RAB30: variants seen among roughly 807,000 people sequenced by gnomAD.
RAB30 encodes ras-related protein Rab-30.
In RAB30, 9 loss-of-function variants were observed where a neutral mutation model predicts 25.1. That is an observed-to-expected ratio of 0.36 (90% CI 0.22 to 0.63). The LOEUF is 0.63. RAB30 is among the 20% of genes least tolerant of loss of function. RAB30 has a pLI of 0.69. For synonymous variants in RAB30, 77 were observed against 86.4 expected (o/e 0.89, Z 0.60); for missense variants, 140 against 243.5 (o/e 0.58, Z 2.83).
At position 83,044,154 on chromosome 11, in the gene RAB30, G is replaced by C. The variant is rs369202206; in HGVS notation, c.-9+27537C>G. Among the ~76,000 whole-genome samples the C allele has an allele frequency of 2.6e-5, 4 of 152,258 alleles. No individual in the cohort carries two copies. The East Asian group carries it at 7.7e-4, about 29-fold the overall frequency. ...TTTTTGTTGGAAAACAAATATTCCTGTGTTTCTCTATTTTAAGAGATTTCT... is the reference window on the plus strand; with the variant it reads ...TTTTTGTTGGAAAACAAATATTCCTCTGTTTCTCTATTTTAAGAGATTTCT... On this transcript the variant is annotated intron_variant, in intron 1 of 4. Coordinates refer to ENST00000527633, the MANE Select transcript of RAB30 (RefSeq NM_001286060.2).
At chr11:83,066,385 A>G (rs1400002163) in intron 1 of RAB30, among the ~76,000 whole-genome samples, 2 of 152,216 alleles carry the variant, frequency 1.3e-5, no homozygotes, top group Admixed American at 6.5e-5. Context: ...ATATAATTCA[A>G]AACTCTGAGA....
chr11:83,032,072 G>A (rs1205881483), intron 1 of RAB30, among the ~76,000 whole-genome samples: 1 of 152,148 alleles, frequency 6.6e-6, no homozygotes, highest in Non-Finnish European at 1.5e-5. Flanking sequence ...CACTCTTTGT[G>A]ACCATATTCC....
At chr11:83,069,627 T>C (rs551573252) in intron 1 of RAB30, among the ~76,000 whole-genome samples, 23 of 150,656 alleles carry the variant, frequency 1.5e-4, no homozygotes, top group African/African-American at 5.4e-4. Flanking sequence ...GCAGCAAGGA[T>C]AAGGAAAAAA....
At chr11:82,982,649 GT>G (rs1285679982) in intron 4 of RAB30, among the ~76,000 whole-genome samples, 4 of 152,128 alleles carry the variant, frequency 2.6e-5, no homozygotes, top group African/African-American at 9.7e-5. Flanking sequence ...GGATCACCAG[GT>G]CAGGAGTTCG....
intron 1 of RAB30, among the ~76,000 whole-genome samples, chr11:83,036,907 G>A (rs936030042): frequency 3.9e-5 from 6 of 152,158 alleles, no homozygotes; most frequent in Non-Finnish European, 7.4e-5. Flanking sequence ...AAAAAAGAAC[G>A]GTTGAGATGA....
rs1856602606 is a variant in RAB30 at position 82,979,463 on chromosome 11, T to A, written c.*2702A>T. 6.6e-6 allele frequency: 1 copy of A among 152,168 alleles called. No homozygotes were observed. The highest frequency in any genetic ancestry group is 6.5e-5 in the Admixed American group (1 of 15,276). The allele number at this position is 152,168 out of a possible 1,614,324, so 9.4% of individuals were successfully genotyped here. A position where few individuals can be genotyped will look rare whatever the true frequency, so the allele number is the denominator to read the frequency against. ...AGGCTCATCTTAGCAAATATTGCCA[T>A]GACAATAAGACTGTTAGGCAAACCA... On this transcript the variant is annotated 3_prime_UTR_variant, in exon 5 of 5. Coordinates refer to ENST00000527633, the MANE Select transcript of RAB30 (RefSeq NM_001286060.2).
intron 1 of RAB30, among the ~76,000 whole-genome samples, chr11:83,024,314 A>G (rs1439303908): frequency 6.6e-6 from 1 of 152,196 alleles, no homozygotes; most frequent in East Asian, 1.9e-4. Flanking sequence ...GTGTCCAGCA[A>G]GGACACAGCG....
At chr11:83,035,179 C>G (rs1210275684) in intron 1 of RAB30, among the ~76,000 whole-genome samples, 2 of 151,684 alleles carry the variant, frequency 1.3e-5, no homozygotes, top group African/African-American at 4.8e-5. Context: ...AGGATTGGAA[C>G]CCAGGTCTAC....
At chr11:83,035,865 C>T (rs2121514314) in intron 1 of RAB30, among the ~76,000 whole-genome samples, 1 of 152,282 alleles carries the variant, frequency 6.6e-6, no homozygotes, top group South Asian at 2.1e-4. Flanking sequence ...TCACAGGCAT[C>T]TTATGGATCA....
At chr11:83,041,480 C>A in intron 1 of RAB30, 1 of 218,696 alleles carries the variant, frequency 4.6e-6, no homozygotes, top group South Asian at 8.9e-5. Context: ...CTCCAAGGTC[C>A]TTTAGAGCAA....
At chr11:82,992,605 G>A (rs1420126661) in intron 3 of RAB30, among the ~76,000 whole-genome samples, 1 of 152,098 alleles carries the variant, frequency 6.6e-6, no homozygotes, top group Non-Finnish European at 1.5e-5. Flanking sequence ...GGATGCTTAG[G>A]TTGGGAATCA....
intron 1 of RAB30, among the ~76,000 whole-genome samples, chr11:83,055,466 T>C (rs1280391482): frequency 1.3e-5 from 2 of 152,238 alleles, no homozygotes; most frequent in African/African-American, 4.8e-5. Flanking sequence ...CCTTCTCACC[T>C]TCCTCATTGA....
chr11:83,055,944 G>A (rs992170218), intron 1 of RAB30, among the ~76,000 whole-genome samples: 1 of 152,204 alleles, frequency 6.6e-6, no homozygotes, highest in Non-Finnish European at 1.5e-5. Context: ...ATAAATTTCT[G>A]TTGTTCACAA....
At chr11:82,990,321 C>T (rs535399679) in intron 3 of RAB30, among the ~76,000 whole-genome samples, 3 of 152,340 alleles carry the variant, frequency 2.0e-5, no homozygotes, top group Admixed American at 6.5e-5. Context: ...ACACAGCACA[C>T]AGCACGTGGT....
intron 1 of RAB30, chr11:83,035,357 T>C (rs559154985): frequency 6.6e-6 from 1 of 152,314 alleles, no homozygotes; most frequent in Non-Finnish European, 1.5e-5. Context: ...CAATCTTCAG[T>C]GGAGGCACAG....
chr11:83,017,254 T>C (rs767332741), intron 1 of RAB30, among the ~76,000 whole-genome samples: 1 of 152,046 alleles, frequency 6.6e-6, no homozygotes, highest in Non-Finnish European at 1.5e-5. Flanking sequence ...GGAATATCAT[T>C]TGAGCCTGGG....
chr11:82,982,190 T>G lies in RAB30; in HGVS notation c.587A>C (p.Tyr196Ser). The change falls in exon 5 of 5, where the codon TAT becomes TCT. Residue 196 changes from tyrosine (Y) to serine (S), a missense_variant. Coordinates refer to ENST00000527633, the MANE Select transcript of RAB30 (RefSeq NM_001286060.2). ...TTAGTTGAAATTACAACAAGTCAAA[T>G]AGCTGATGCTTTTCCCTTCTCCAGG... ...PLPGEGKSIS[Y>S]LTCCNFN 2 of 1,614,244 alleles carry G rather than the reference T, an allele frequency of 1.2e-6. 1 individual carries two copies. The highest frequency in any genetic ancestry group is 2.2e-5 in the South Asian group (2 of 91,082).
At chr11:82,993,933 C>G in intron 3 of RAB30, 106 bp downstream of exon 3, 1 of 893,202 alleles carries the variant, frequency 1.1e-6, no homozygotes, top group African/African-American at 1.7e-5. Flanking sequence ...TGCATTGTTT[C>G]CATGTGGGTT....
At chr11:82,996,984 A>G (rs1856972445) in intron 2 of RAB30, among the ~76,000 whole-genome samples, 1 of 152,236 alleles carries the variant, frequency 6.6e-6, no homozygotes, top group Non-Finnish European at 1.5e-5. Flanking sequence ...CATTAAAGGA[A>G]GCAAGAAGAG....
Sources: allele counts gnomAD v4.1 joint callset (sites outside exome capture counted in the v4.1 genomes callset), GRCh38; gene constraint gnomAD v4.1.1; transcripts MANE v1.5; gene names NCBI Gene and HGNC (gene_info 2026-07-23, HGNC 2026-07-21).